Variants in POLR1A observed in about 807,000 individuals in gnomAD.
POLR1A encodes the protein DNA-directed RNA polymerase I subunit RPA1.
A neutral mutation model predicts 205.3 loss-of-function variants in POLR1A; 84 were observed. The observed-to-expected ratio is 0.41, with a 90% CI of 0.34 to 0.49. The LOEUF (loss-of-function observed/expected upper bound fraction) is 0.49, where lower values mean the gene tolerates loss of function less well. Ranked by LOEUF, POLR1A falls within the 20% of genes least tolerant of loss-of-function variation. The probability of loss-of-function intolerance (pLI) is 0.22; values close to 1 mark genes in which losing one functional copy is unlikely to be tolerated. For synonymous variants in POLR1A, 799 were observed against 863.7 expected, an observed-to-expected ratio of 0.93 and a Z score of 1.31; for missense variants, 1,645 against 2,204.5, an observed-to-expected ratio of 0.75 and a Z score of 5.08.
intron 16 of POLR1A, among the ~76,000 whole-genome samples, chr2:86,050,176 A>G (rs1017600815): frequency 3.9e-5 from 6 of 152,116 alleles, no homozygotes; most frequent in African/African-American, 1.4e-4. Context: ...TCGGCCTCCC[A>G]AAGTGCTGGG....
chr2:86,061,598 C>T (rs1449757016), intron 14 of POLR1A, among the ~76,000 whole-genome samples: 3 of 152,132 alleles, frequency 2.0e-5, no homozygotes. Context: ...CCATTTGTAA[C>T]AGTCAAATGA....
At chr2:86,076,371 C>T (rs144430446) in intron 11 of POLR1A, among the ~76,000 whole-genome samples, 6 of 152,338 alleles carry the variant, frequency 3.9e-5, no homozygotes, top group East Asian at 1.9e-4. Context: ...CACCCATCAC[C>T]GTTCAACAGA....
At position 86,047,227 on chromosome 2, in the gene POLR1A, C is replaced by T; in HGVS notation, c.2671G>A (p.Glu891Lys). Reference sequence around the variant, plus strand: ...TGCACCATCATCTGCAGGCTGTTCTCTGGGAACTGTCTGTGTAGGCCAAAA... The same window carrying T: ...TGCACCATCATCTGCAGGCTGTTCTTTGGGAACTGTCTGTGTAGGCCAAAA... ...MPFGLHRQFP[E>K]NSLQMMVQSG... Residue 891 changes from glutamate (E) to lysine (K), a missense_variant, in exon 19 of 34, where the codon GAG becomes AAG. Glu to Lys is a moderately conservative substitution (Grantham distance 56). Around this residue, in one of 16 missense-constraint regions of POLR1A, gnomAD observed 339 missense variants for 415.1 expected, o/e 0.82. Coordinates refer to ENST00000263857, the MANE Select transcript of POLR1A (RefSeq NM_015425.6). The T allele has an allele frequency of 6.2e-7, 1 of 1,614,140 alleles. No individual in the cohort carries two copies.
At chr2:86,056,935 T>C (rs1190943116) in intron 14 of POLR1A, among the ~76,000 whole-genome samples, 1 of 152,248 alleles carries the variant, frequency 6.6e-6, no homozygotes, top group Non-Finnish European at 1.5e-5. Flanking sequence ...AGGAAATTAA[T>C]GCTGTTTTCA....
At position 86,075,057 on chromosome 2, in the gene POLR1A, C is replaced by A. The variant is rs758071813; in HGVS notation, c.1584G>T (p.Gly528=). 1 of 1,611,092 alleles carries A rather than the reference C, an allele frequency of 6.2e-7. No individual in the cohort carries two copies. Among genetic ancestry groups the A allele is most frequent in the African/African-American group, 1.3e-5 (1 of 74,958 alleles). The part of the protein sequence containing the change: ...VAKQLLTPAT[G]APKPQGTKIV... ...TTTTTGTCCCCTGGGGCTTAGGTGC[C>A]CCCGTGGCTGGGGTCAGAAGCTGCT... is the stretch of plus-strand genomic sequence containing the variant. The change falls in exon 12 of 34, where the codon GGG becomes GGT. Residue 528 remains glycine, a synonymous_variant. Coordinates refer to ENST00000263857, the MANE Select transcript of POLR1A (RefSeq NM_015425.6).
chr2:86,065,562 A>C, intron 13 of POLR1A, 97 bp from the exon 14 acceptor site: 1 of 998,712 alleles, frequency 1.0e-6, no homozygotes, highest in Non-Finnish European at 1.5e-6. Flanking sequence ...TTCTATCAAG[A>C]GCCCTTCTTA....
intron 6 of POLR1A, among the ~76,000 whole-genome samples, chr2:86,086,489 T>C (rs555775386): frequency 6.6e-6 from 1 of 152,370 alleles, no homozygotes; most frequent in Admixed American, 6.5e-5. Flanking sequence ...GTTACTGATC[T>C]GTGTCACTTG....
At position 86,044,173 on chromosome 2, in the gene POLR1A, G is replaced by A. The variant is rs1188612394; in HGVS notation, c.3101C>T (p.Pro1034Leu). The A allele has an allele frequency of 2.2e-5, 35 of 1,614,076 alleles. No homozygotes were observed. The highest frequency in any genetic ancestry group is 2.8e-5 in the Non-Finnish European group (33 of 1,180,042). Reference protein sequence around the residue: ...LDIPKTQFLQPKQFPFLASNY... With the variant: ...LDIPKTQFLQLKQFPFLASNY... The stretch of plus-strand genomic sequence containing the variant: ...GCTGGCCAGGAAGGGGAACTGCTTG[G>A]GCTGCAGGAACTGTGTCTTGGGGAT... The change falls in exon 22 of 34, where the codon CCC (proline) becomes CTC (leucine). Residue 1034 changes from proline to leucine, a missense_variant. Around this residue, in one of 16 missense-constraint regions of POLR1A, gnomAD observed 201 missense variants for 222.3 expected, o/e 0.90. Coordinates refer to ENST00000263857, the MANE Select transcript of POLR1A (RefSeq NM_015425.6).
chr2:86,049,120 C>A, intron 17 of POLR1A, 40 bp downstream of exon 17: 1 of 1,609,934 alleles, frequency 6.2e-7, no homozygotes, highest in South Asian at 1.1e-5. Flanking sequence ...ACACACTTCA[C>A]CCCTCTAGGG....
Position 86,077,805 on chromosome 2 carries a change from GCGCGCGCACACACACACA to G in POLR1A, c.1380+36_1380+53del, listed in dbSNP as rs1009432227. ...CGGGGAGCAAATGAGCCCTGCACGC[GCGCGCGCACACACACACA>G]CACACACACACACACACACACACAC... On this transcript the variant is annotated intron_variant, in intron 11 of 33. Coordinates refer to ENST00000263857, the MANE Select transcript of POLR1A (RefSeq NM_015425.6). 3 of 1,013,520 alleles carry G rather than the reference GCGCGCGCACACACACACA, an allele frequency of 3.0e-6. No homozygotes were observed. In the South Asian group the frequency reaches 4.2e-5, roughly 14 times the overall value. 62.8% of individuals were successfully genotyped at this position (1,013,520 alleles called of 1,614,324 possible).
At chr2:86,080,336 T>C (rs1279159791) in intron 9 of POLR1A, among the ~76,000 whole-genome samples, 1 of 152,162 alleles carries the variant, frequency 6.6e-6, no homozygotes, top group African/African-American at 2.4e-5. Context: ...ATTTCCACTC[T>C]GCAATACTGC....
intron 16 of POLR1A, among the ~76,000 whole-genome samples, chr2:86,049,744 C>T (rs777120163): frequency 2.6e-5 from 4 of 152,156 alleles, no homozygotes; most frequent in African/African-American, 4.8e-5. Context: ...CAGACACACC[C>T]GAGCCTGGGT....
At chr2:86,027,674 C>T (rs1445390046) in intron 33 of POLR1A, 151 bp from the exon 34 acceptor site, 5 of 830,618 alleles carry the variant, frequency 6.0e-6, no homozygotes, top group Non-Finnish European at 7.9e-6. Flanking sequence ...CCCCCTCTAG[C>T]ACTTGAGAGG....
Position 86,022,300 on chromosome 2 carries a change from C to T in POLR1A, c.*5123G>A, listed in dbSNP as rs183103466. On this transcript the variant is annotated 3_prime_UTR_variant, in exon 34 of 34. Transcript: ENST00000263857. ...TGATGGTGGCATCCTTTGGACCCCA[C>T]TGTAAAGTCCTTGCAGACATCTGTC... 5 of 152,382 alleles carry T rather than the reference C, an allele frequency of 3.3e-5. No homozygotes were observed. The highest frequency in any genetic ancestry group is 6.5e-5 in the Admixed American group (1 of 15,302). 9.4% of individuals were successfully genotyped at this position (152,382 alleles called of 1,614,324 possible). A position where few individuals can be genotyped will look rare whatever the true frequency, so the allele number is the denominator to read the frequency against.
intron 15 of POLR1A, 73 bp from the exon 16 acceptor site, chr2:86,053,073 ATG>A (rs1440404644): frequency 2.6e-6 from 3 of 1,144,136 alleles, no homozygotes; most frequent in African/African-American, 3.2e-5. Flanking sequence ...CCTCTACTCC[ATG>A]TGTGACCCTC....
intron 15 of POLR1A, 77 bp from the exon 16 acceptor site, chr2:86,053,077 G>A: frequency 9.0e-7 from 1 of 1,112,262 alleles, no homozygotes; most frequent in Non-Finnish European, 1.2e-6. Context: ...TACTCCATGT[G>A]TGACCCTCGT....
In POLR1A at chr2:86,045,936, G is replaced by GA. The variant is rs563725972; in HGVS notation, c.2734-168dup. Among the ~76,000 whole-genome samples, 164 of 149,688 alleles carry GA rather than the reference G, an allele frequency of 1.1e-3. 1 individual carries two copies. Among genetic ancestry groups the GA allele is most frequent in the South Asian group, 2.5e-3 (12 of 4,768 alleles). ...ACAAACCAGGAAGCCTTCATTTTAA[G>GA]AAAAAAAAAATACCTTCCTTTGGTT... On this transcript the variant is annotated intron_variant, in intron 19 of 33. Coordinates refer to ENST00000263857, the MANE Select transcript of POLR1A (RefSeq NM_015425.6).
rs766268738 is a variant in POLR1A, at chr2:86,047,148, C to T, written c.2733+17G>A. On this transcript the variant is annotated intron_variant, in intron 19 of 33. Coordinates refer to ENST00000263857, the MANE Select transcript of POLR1A (RefSeq NM_015425.6). ...TTGCTGACACCTGTAAAGCTGCCAA[C>T]CCGCCTCTGCACATACCTGCATCGT... 2 of 1,596,260 alleles carry T rather than the reference C, an allele frequency of 1.3e-6. No individual in the cohort carries two copies. Among genetic ancestry groups the T allele is most frequent in the Non-Finnish European group, 1.7e-6 (2 of 1,164,208 alleles).
intron 12 of POLR1A, among the ~76,000 whole-genome samples, chr2:86,073,186 G>A (rs1368198843): frequency 3.5e-5 from 5 of 142,940 alleles, no homozygotes; most frequent in Non-Finnish European, 6.0e-5. Flanking sequence ...GAGACAGAGC[G>A]AGACCTTGTC....
Sources: gnomAD v4.1 joint callset for allele counts (sites outside exome capture counted in the v4.1 genomes callset) on GRCh38, gnomAD v4.1.1 for gene constraint, gnomAD v4.1.1 regional missense constraint, MANE v1.5 for transcripts, NCBI Gene and HGNC (gene_info 2026-07-23, HGNC 2026-07-21) for gene names.